SKAP1: variants seen among roughly 807,000 people sequenced by gnomAD.
SKAP1 encodes src kinase-associated phosphoprotein 1.
Under a neutral mutation model 58.5 loss-of-function variants are expected in SKAP1, and 44 were observed. The observed-to-expected ratio is 0.75, with a 90% CI of 0.59 to 0.97. SKAP1 has a LOEUF of 0.97. Among genes scored for constraint, SKAP1 ranks in the 50% least tolerant of loss-of-function variants. The probability of loss-of-function intolerance (pLI) is 0.00; values close to 1 mark genes in which losing one functional copy is unlikely to be tolerated. For synonymous variants in SKAP1, 127 were observed against 149.7 expected (o/e 0.85, Z 1.11); for missense variants, 390 against 435.2 (o/e 0.90, Z 0.92).
chr17:48,157,115 T>C (rs1371986566), intron 11 of SKAP1, among the ~76,000 whole-genome samples: 1 of 152,210 alleles, frequency 6.6e-6, no homozygotes, highest in Non-Finnish European at 1.5e-5. Context: ...GTGAGGAAAC[T>C]GAAGATTATC....
chr17:48,428,216 T>G (rs1362577137), intron 1 of SKAP1, among the ~76,000 whole-genome samples: 2 of 152,138 alleles, frequency 1.3e-5, no homozygotes, highest in Non-Finnish European at 2.9e-5. Flanking sequence ...AAGAAATACA[T>G]TAACCAACGA....
intron 4 of SKAP1, among the ~76,000 whole-genome samples, chr17:48,273,422 GTTT>G (rs61407419): frequency 0.21 from 29,918 of 145,880 alleles, 2,998 homozygotes; most frequent in Admixed American, 0.22. Context: ...TTTTATCACT[GTTT>G]TTTTTTTTTT....
chr17:48,348,926 G>T (rs1328542749), intron 3 of SKAP1, among the ~76,000 whole-genome samples: 1 of 152,198 alleles, frequency 6.6e-6, no homozygotes, highest in African/African-American at 2.4e-5. Flanking sequence ...ACAGAGCCTA[G>T]GTCAGTAGTA....
intron 11 of SKAP1, among the ~76,000 whole-genome samples, chr17:48,160,064 TGATA>T: frequency 6.6e-6 from 1 of 152,190 alleles, no homozygotes; most frequent in Non-Finnish European, 1.5e-5. Context: ...AGAAAGAAAC[TGATA>T]GAAACAGGGC....
rs748567893 is a variant in SKAP1 at position 48,382,204 on chromosome 17, G to C, written c.152+14476C>G. Among the ~76,000 whole-genome samples the C allele has an allele frequency of 9.2e-5, 14 of 151,480 alleles. No individual in the cohort carries two copies. The South Asian group carries it at 1.3e-3, about 14-fold the overall frequency. ...CTTAAAAAAAAAAAAAAACCCACAT[G>C]GGGGGAGGGGAAGGGATAGCATTAG... On this transcript the variant is annotated intron_variant, in intron 2 of 12. Transcript: ENST00000336915.
chr17:48,212,964 A>T, intron 4 of SKAP1, among the ~76,000 whole-genome samples: 1 of 152,070 alleles, frequency 6.6e-6, no homozygotes, highest in East Asian at 1.9e-4. Flanking sequence ...CTGCTTCTCT[A>T]CCCCTGGCTA....
At chr17:48,401,556 A>G (rs1410361022) in intron 1 of SKAP1, among the ~76,000 whole-genome samples, 1 of 152,206 alleles carries the variant, frequency 6.6e-6, no homozygotes, top group Non-Finnish European at 1.5e-5. Flanking sequence ...TGCTGAGACA[A>G]CTGAGTATAC....
At chr17:48,310,449 C>CA (rs2066208235) in intron 4 of SKAP1, among the ~76,000 whole-genome samples, 1 of 152,126 alleles carries the variant, frequency 6.6e-6, no homozygotes, top group Non-Finnish European at 1.5e-5. Flanking sequence ...TGAAAAATTA[C>CA]AAATGAAACT....
intron 4 of SKAP1, among the ~76,000 whole-genome samples, chr17:48,262,531 A>G (rs2065496644): frequency 6.6e-6 from 1 of 152,242 alleles, no homozygotes; most frequent in African/African-American, 2.4e-5. Context: ...AAAGTATTAT[A>G]GTATATTTCT....
intron 6 of SKAP1, 43 bp from the exon 7 acceptor site, chr17:48,184,890 C>G (rs1375385636): frequency 1.9e-6 from 3 of 1,589,346 alleles, no homozygotes; most frequent in East Asian, 4.5e-5. Flanking sequence ...AGAGATGCAA[C>G]TGCCAAGGGA....
At chr17:48,313,065 T>C (rs1296846296) in intron 4 of SKAP1, among the ~76,000 whole-genome samples, 1 of 151,912 alleles carries the variant, frequency 6.6e-6, no homozygotes, top group Admixed American at 6.6e-5. Flanking sequence ...AAAAATCTTC[T>C]TGTTCCAAAA....
intron 4 of SKAP1, among the ~76,000 whole-genome samples, chr17:48,193,457 G>GA (rs981904445): frequency 6.6e-6 from 1 of 151,988 alleles, no homozygotes; most frequent in African/African-American, 2.4e-5. Context: ...AATGTCTACG[G>GA]AAAAAAAATT....
intron 4 of SKAP1, among the ~76,000 whole-genome samples, chr17:48,289,773 G>GTATA (rs56776158): frequency 0.028 from 4,197 of 151,254 alleles, 217 homozygotes; most frequent in African/African-American, 0.097. Flanking sequence ...GCACCAATAA[G>GTATA]TATATATATA....
At chr17:48,265,501 A>AGC (rs1555609909) in intron 4 of SKAP1, among the ~76,000 whole-genome samples, 16 of 148,324 alleles carry the variant, frequency 1.1e-4, no homozygotes, top group African/African-American at 2.5e-4. Flanking sequence ...AAAAAAAAAA[A>AGC]AAGCAAGCAA....
chr17:48,419,088 G>A (rs1418335040), intron 1 of SKAP1, among the ~76,000 whole-genome samples: 1 of 152,030 alleles, frequency 6.6e-6, no homozygotes, highest in Non-Finnish European at 1.5e-5. Context: ...TGGATGGAAG[G>A]GAGGGAGGAA....
chr17:48,264,766 AC>A (rs2065523650), intron 4 of SKAP1, among the ~76,000 whole-genome samples: 1 of 151,488 alleles, frequency 6.6e-6, no homozygotes, highest in Non-Finnish European at 1.5e-5. Context: ...ACACACACAC[AC>A]ACACACACAC....
At chr17:48,370,516 C>T (rs545739316) in intron 2 of SKAP1, among the ~76,000 whole-genome samples, 17 of 152,208 alleles carry the variant, frequency 1.1e-4, no homozygotes, top group Non-Finnish European at 2.1e-4. Flanking sequence ...TTGCCCTAGG[C>T]TGGTCTCAAA....
intron 2 of SKAP1, among the ~76,000 whole-genome samples, chr17:48,371,802 A>G (rs1017887075): frequency 4.0e-5 from 6 of 150,546 alleles, no homozygotes; most frequent in African/African-American, 1.5e-4. Flanking sequence ...ATACCACTGC[A>G]CTCCAGCCTG....
chr17:48,359,341 T>G (rs867839508), intron 3 of SKAP1, among the ~76,000 whole-genome samples: 1 of 152,148 alleles, frequency 6.6e-6, no homozygotes, highest in African/African-American at 2.4e-5. Flanking sequence ...AATAAAGAAC[T>G]GTTTTTAAAA....
Sources: gnomAD v4.1 joint callset for allele counts (sites outside exome capture counted in the v4.1 genomes callset) on GRCh38, gnomAD v4.1.1 for gene constraint, MANE v1.5 for transcripts, NCBI Gene and HGNC (gene_info 2026-07-23, HGNC 2026-07-21) for gene names.